Variants in PDE10A observed in about 807,000 individuals in gnomAD.
PDE10A encodes phosphodiesterase 10A, also known as cAMP and cAMP-inhibited cGMP 3',5'-cyclic phosphodiesterase 10A.
A neutral mutation model predicts 97.7 loss-of-function variants in PDE10A; 39 were observed. That is an observed-to-expected ratio of 0.40 (90% confidence interval 0.31 to 0.52). The LOEUF is 0.52. PDE10A is among the 20% of genes least tolerant of loss of function. The pLI is 0.56. For synonymous variants in PDE10A, 371 were observed against 376.8 expected (o/e 0.98, Z 0.18); for missense variants, 731 against 1,047.8 (o/e 0.70, Z 4.17).
In PDE10A at chr6:165,629,862, T is replaced by G. The variant is rs570958085; in HGVS notation, c.865+32085A>C. On this transcript the variant is annotated intron_variant, in intron 1 of 21. Transcript: ENST00000539869. ...AAAACTACTTTCAATTAGCCTAGTT[T>G]GAGTTATGAATTTTTGTTTTTTTTT... is the stretch of plus-strand genomic sequence containing the variant. Among the ~76,000 whole-genome samples the G allele has an allele frequency of 1.8e-4, 26 of 148,198 alleles. No individual in the cohort carries two copies. The South Asian group carries it at 5.4e-3, about 31-fold the overall frequency.
chr6:165,904,199 G>A (rs1782198304), intron 1 of PDE10A, among the ~76,000 whole-genome samples: 1 of 152,134 alleles, frequency 6.6e-6, no homozygotes, highest in African/African-American at 2.4e-5. Flanking sequence ...TAAAGAGGAG[G>A]GTAATTTCAA....
intron 1 of PDE10A, among the ~76,000 whole-genome samples, chr6:165,681,118 T>G (rs953344575): frequency 6.6e-6 from 1 of 152,172 alleles, no homozygotes; most frequent in Non-Finnish European, 1.5e-5. Context: ...AACTTTTCAA[T>G]CTTCCTGTTT....
At chr6:165,559,874 C>T (rs981132129) in intron 1 of PDE10A, among the ~76,000 whole-genome samples, 4 of 152,120 alleles carry the variant, frequency 2.6e-5, no homozygotes, top group African/African-American at 4.8e-5. Context: ...CTCTTGCCGC[C>T]GCCATGTAAA....
intron 1 of PDE10A, among the ~76,000 whole-genome samples, chr6:165,668,303 A>G (rs952463211): frequency 6.6e-6 from 1 of 152,168 alleles, no homozygotes; most frequent in Admixed American, 6.5e-5. Context: ...TTCTATGGAC[A>G]CCTTTTGTAC....
intron 3 of PDE10A, among the ~76,000 whole-genome samples, chr6:165,480,768 A>C (rs1419735782): frequency 1.3e-5 from 2 of 152,180 alleles, no homozygotes; most frequent in East Asian, 3.9e-4. Context: ...TTGCCCGAGG[A>C]ATTTCTAAAT....
At chr6:165,974,017 A>C (rs1398245168) in intron 1 of PDE10A, among the ~76,000 whole-genome samples, 2 of 152,250 alleles carry the variant, frequency 1.3e-5, no homozygotes, top group African/African-American at 4.8e-5. Flanking sequence ...TCAGTCCATT[A>C]AATTATTAAA....
At position 165,613,396 on chromosome 6, in the gene PDE10A, T is replaced by C. The variant is rs566259192; in HGVS notation, c.865+48551A>G. Among the ~76,000 whole-genome samples, 11 of 152,268 alleles carry C rather than the reference T, an allele frequency of 7.2e-5. No individual in the cohort carries two copies. In the East Asian group the frequency reaches 1.9e-3, roughly 27 times the overall value. On this transcript the variant is annotated intron_variant, in intron 1 of 21. Coordinates refer to ENST00000539869, the MANE Select transcript of PDE10A (RefSeq NM_001385079.1). ...TGGCTCACCCTGTAATCCCAGCACT[T>C]TGGGAGGCCAAGATGGGCAGATTGC...
intron 18 of PDE10A, among the ~76,000 whole-genome samples, chr6:165,359,863 G>A (rs1783276697): frequency 6.6e-6 from 1 of 151,886 alleles, no homozygotes; most frequent in South Asian, 2.1e-4. Flanking sequence ...CCAGTTTGTG[G>A]GCTGTGCACA....
intron 1 of PDE10A, among the ~76,000 whole-genome samples, chr6:165,982,480 T>G (rs1785050695): frequency 6.6e-6 from 1 of 152,134 alleles, no homozygotes; most frequent in African/African-American, 2.4e-5. Context: ...GATAGTCCAA[T>G]TAGGGTGACA....
chr6:165,388,167 T>C lies in PDE10A; in HGVS notation c.2610+131A>G, dbSNP rs764329797. 11 of 723,626 alleles carry C rather than the reference T, an allele frequency of 1.5e-5. No homozygotes were observed. The Admixed American group carries it at 1.9e-4, about 13-fold the overall frequency. The allele number at this position is 723,626 out of a possible 1,614,324, so 44.8% of individuals were successfully genotyped here. ...TATTATTTAATGATGACTATAAATA[T>C]AAGGTTCTACAATAAAAAGTAGCTG... On this transcript the variant is annotated intron_variant, in intron 17 of 21. Coordinates refer to ENST00000539869, the MANE Select transcript of PDE10A (RefSeq NM_001385079.1). This position sits in a 1 kb window ranked among gnomAD's most constrained non-coding sequence, Gnocchi z 4.0.
intron 1 of PDE10A, among the ~76,000 whole-genome samples, chr6:165,696,293 T>G (rs1294824719): frequency 6.6e-6 from 1 of 152,244 alleles, no homozygotes; most frequent in African/African-American, 2.4e-5. Flanking sequence ...AACCTCATTC[T>G]GAAAATACCG....
intron 1 of PDE10A, among the ~76,000 whole-genome samples, chr6:165,962,573 C>T (rs1165830350): frequency 6.6e-6 from 1 of 152,200 alleles, no homozygotes; most frequent in Non-Finnish European, 1.5e-5. Flanking sequence ...CATGTTTTTC[C>T]CAGACTCTGA....
intron 7 of PDE10A, 47 bp downstream of exon 7, chr6:165,432,927 G>C (rs1333795321): frequency 6.9e-7 from 1 of 1,450,038 alleles, no homozygotes; most frequent in Admixed American, 1.8e-5. Flanking sequence ...CCTTCAATGA[G>C]CTAGGTACAA....
chr6:165,512,717 G>C (rs893763676), intron 2 of PDE10A, among the ~76,000 whole-genome samples: 2 of 152,022 alleles, frequency 1.3e-5, no homozygotes, highest in Non-Finnish European at 2.9e-5. Flanking sequence ...GAGGAAAACT[G>C]ATCAGTTGTA....
chr6:165,851,050 T>C (rs995446096), intron 1 of PDE10A, among the ~76,000 whole-genome samples: 4 of 152,172 alleles, frequency 2.6e-5, no homozygotes, highest in Admixed American at 2.6e-4. Flanking sequence ...ACAGGTAGAA[T>C]CAAGTAAGAG....
At chr6:165,760,689 A>T (rs1793228715) in intron 1 of PDE10A, among the ~76,000 whole-genome samples, 1 of 152,180 alleles carries the variant, frequency 6.6e-6, no homozygotes, top group Admixed American at 6.5e-5. Flanking sequence ...CCTACATTGT[A>T]CCTGGTGTCC....
chr6:165,470,890 C>T (rs537220828), intron 3 of PDE10A, among the ~76,000 whole-genome samples: 1 of 152,250 alleles, frequency 6.6e-6, no homozygotes, highest in South Asian at 2.1e-4. Context: ...TGTCATTTAT[C>T]CCATATTTTA....
intron 3 of PDE10A, among the ~76,000 whole-genome samples, chr6:165,479,636 C>T (rs893284624): frequency 3.9e-5 from 6 of 152,208 alleles, no homozygotes; most frequent in Non-Finnish European, 8.8e-5. Context: ...CACAAACACA[C>T]ATATACACAT....
chr6:165,816,160 A>G (rs914997252), intron 1 of PDE10A, among the ~76,000 whole-genome samples: 3 of 152,116 alleles, frequency 2.0e-5, no homozygotes, highest in Non-Finnish European at 2.9e-5. Flanking sequence ...CGTGTTAGCC[A>G]GGATGCTCTC....
Sources: allele counts gnomAD v4.1 joint callset (sites outside exome capture counted in the v4.1 genomes callset), GRCh38; gene constraint gnomAD v4.1.1; non-coding constraint Gnocchi (gnomAD v3.1); transcripts MANE v1.5; gene names NCBI Gene and HGNC (gene_info 2026-07-23, HGNC 2026-07-21).